The following PNPLA6 variants were observed in gnomAD, a reference collection of about 807,000 sequenced individuals.
PNPLA6 encodes the protein patatin like domain 6, lysophospholipase.
A neutral mutation model predicts 153.7 loss-of-function variants in PNPLA6; 105 were observed. That is an observed-to-expected ratio of 0.68 (90% confidence interval 0.58 to 0.80). PNPLA6 has a LOEUF of 0.80. Among genes scored for constraint, PNPLA6 ranks in the 30% least tolerant of loss-of-function variants. The pLI is 0.00. For missense variants in PNPLA6, 1,423 were observed against 1,919.3 expected, an observed-to-expected ratio of 0.74 and a Z score of 4.83; for synonymous variants, 825 against 822.2, an observed-to-expected ratio of 1.00 and a Z score of -0.06.
intron 13 of PNPLA6, among the ~76,000 whole-genome samples, chr19:7,547,447 G>A (rs491943): frequency 0.38 from 57,000 of 151,930 alleles, 13,036 homozygotes; most frequent in South Asian, 0.56. Flanking sequence ...GTGCCTATTG[G>A]CCATTTGTAT....
intron 13 of PNPLA6, among the ~76,000 whole-genome samples, chr19:7,544,811 T>C (rs1230410093): frequency 1.3e-5 from 2 of 152,038 alleles, no homozygotes; most frequent in African/African-American, 4.8e-5. Context: ...GGAGAGGAAG[T>C]CAAGGCTTTT....
rs774029027 is a variant in PNPLA6, at chr19:7,550,431, T to G, written c.1946+2T>G. 1.2e-6 allele frequency: 2 copies of G among 1,611,364 alleles called. No homozygotes were observed. The highest frequency in any genetic ancestry group is 1.1e-5 in the South Asian group (1 of 91,052). On this transcript the variant is annotated splice_donor_variant, in intron 15 of 31. Coordinates refer to ENST00000600737, the MANE Select transcript of PNPLA6 (RefSeq NM_001166114.2). LOFTEE classifies it high-confidence loss of function. ...GGAGGCGGGACGCGCGCTGTACAGG[T>G]GCAGCTCCCACCGCGCTGCTCAGGC...
chr19:7,549,471 C>T (rs2023545651), intron 13 of PNPLA6, among the ~76,000 whole-genome samples: 2 of 143,568 alleles, frequency 1.4e-5, no homozygotes, highest in African/African-American at 2.6e-5. Context: ...CAGGCGTGAG[C>T]CACCGCGCCT....
rs1403047964 is a variant in PNPLA6 at position 7,540,281 on chromosome 19, G to T, written c.687G>T (p.Gly229=). The T allele has an allele frequency of 6.2e-7, 1 of 1,607,318 alleles. No individual in the cohort carries two copies. The highest frequency in any genetic ancestry group is 1.1e-5 in the South Asian group (1 of 91,024). Residue 229 remains glycine, a synonymous_variant, in exon 5 of 32, where the codon GGG becomes GGT. Transcript: ENST00000600737. The surrounding 1 kb of genome is among the most constrained non-coding windows in gnomAD (Gnocchi z 6.8). ...PDASIYVVQD[G]LLELCLPGPD... ...CCAGCATCTACGTGGTGCAGGACGG[G>T]CTGCTGGAGCTCTGTCTGCCAGGGC...
chr19:7,549,465 C>T (rs1435560659), intron 13 of PNPLA6, among the ~76,000 whole-genome samples: 2 of 148,116 alleles, frequency 1.4e-5, no homozygotes, highest in Non-Finnish European at 1.5e-5. Context: ...GGATTACAGG[C>T]GTGAGCCACC....
At chr19:7,561,455 G>A in intron 31 of PNPLA6, 33 bp from the exon 32 acceptor site, 2 of 1,571,614 alleles carry the variant, frequency 1.3e-6, no homozygotes, top group Non-Finnish European at 1.7e-6. Context: ...AGTGTCCCGT[G>A]CTGGGTGACG....
In PNPLA6 at chr19:7,542,820, G is replaced by A. The variant is rs747800516; in HGVS notation, c.1422G>A (p.Glu474=). The A allele has an allele frequency of 1.2e-6, 2 of 1,613,116 alleles. No individual in the cohort carries two copies. Among genetic ancestry groups the A allele is most frequent in the Admixed American group, 1.7e-5 (1 of 60,038 alleles). The change falls in exon 12 of 32, where the codon GAG becomes GAA. Residue 474 remains glutamate, a synonymous_variant. Transcript: ENST00000600737. ...PAGACEYSYC[E]DESATGGCPF... Reference sequence around the variant, plus strand: ...GCGCCTGTGAATACAGCTACTGTGAGGATGAGTCGGCCACTGGTGGCTGCC... The same window carrying A: ...GCGCCTGTGAATACAGCTACTGTGAAGATGAGTCGGCCACTGGTGGCTGCC...
intron 18 of PNPLA6, 106 bp downstream of exon 18, chr19:7,551,543 G>T (rs1163270822): frequency 4.9e-6 from 5 of 1,012,212 alleles, no homozygotes; most frequent in Non-Finnish European, 7.7e-6. Context: ...ATGGAGTTCC[G>T]CGAAGAAATC....
Position 7,541,655 on chromosome 19 carries a change from C to T in PNPLA6, c.1139C>T (p.Pro380Leu), listed in dbSNP as rs773365134. 6.3e-7 allele frequency: 1 copy of T among 1,578,782 alleles called. No individual in the cohort carries two copies. Among genetic ancestry groups the T allele is most frequent in the South Asian group, 1.1e-5 (1 of 87,256 alleles). Reference protein sequence around the residue: ...PRETPGRPPDPTGAPLPGPTG... With the variant: ...PRETPGRPPDLTGAPLPGPTG... ...GAGACCCCAGGGCGGCCACCCGATC[C>T]CACCGGGGCCCCGCTGCCTGGACCT... Residue 380 changes from proline to leucine, a missense_variant, in exon 9 of 32, where the codon CCC becomes CTC. By Grantham distance (98) the Pro-to-Leu change is moderately conservative. Coordinates refer to ENST00000600737, the MANE Select transcript of PNPLA6 (RefSeq NM_001166114.2). This position sits in a 1 kb window ranked among gnomAD's most constrained non-coding sequence, Gnocchi z 5.2.
chr19:7,561,084 G>A lies in PNPLA6; in HGVS notation c.3887G>A (p.Ser1296Asn), dbSNP rs767432114. The A allele has an allele frequency of 1.9e-6, 3 of 1,613,086 alleles. No individual in the cohort carries two copies. Among genetic ancestry groups the A allele is most frequent in the Middle Eastern group, 1.7e-4 (1 of 6,060 alleles). Residue 1296 changes from serine (S) to asparagine (N), a missense_variant, in exon 30 of 32, where the codon AGC becomes AAC. Ser to Asn is a conservative substitution (Grantham distance 46, BLOSUM62 1). Coordinates refer to ENST00000600737, the MANE Select transcript of PNPLA6 (RefSeq NM_001166114.2). ...GTGTCCCGGATTGAGCCCCCCACGA[G>A]CTATGTCTCTGATGGCTGTGCTGAC... ...EIVSRIEPPT[S>N]YVSDGCADGE...
chr19:7,543,950 A>G (rs2023272423), intron 13 of PNPLA6, among the ~76,000 whole-genome samples: 1 of 150,496 alleles, frequency 6.6e-6, no homozygotes, highest in Non-Finnish European at 1.5e-5. Context: ...AGTAGCTGGG[A>G]CTACAGGCGC....
chr19:7,561,284 C>T lies in PNPLA6; in HGVS notation c.3990C>T (p.Pro1330=), dbSNP rs535388759. 3.2e-5 allele frequency: 52 copies of T among 1,608,642 alleles called. No homozygotes were observed. The highest frequency in any genetic ancestry group is 2.7e-4 in the Admixed American group (16 of 59,092). Residue 1330 remains proline, a synonymous_variant, in exon 31 of 32, where the codon CCC becomes CCT. Transcript: ENST00000600737. ...GCTCGAGGGATGAAGGGGGGTCCCCCGAGGGCGCAAGCCCCAGCACTGCCT... is the reference window on the plus strand; with the variant it reads ...GCTCGAGGGATGAAGGGGGGTCCCCTGAGGGCGCAAGCCCCAGCACTGCCT... ...PDCSRDEGGS[P]EGASPSTASE... is the part of the protein sequence containing the mutation.
Position 7,550,370 on chromosome 19 carries a change from G to A in PNPLA6, c.1887G>A (p.Val629=). Residue 629 remains valine (V), a synonymous_variant, in exon 15 of 32, where the codon GTG becomes GTA. Coordinates refer to ENST00000600737, the MANE Select transcript of PNPLA6 (RefSeq NM_001166114.2). ...TGGCAGCCAGGATGTCGCCCTTCGT[G>A]CGCCAGATGGACTTCGCCATCGACT... ...HTVAARMSPF[V]RQMDFAIDWT... is the part of the protein sequence containing the mutation. 6.2e-7 allele frequency: 1 copy of A among 1,612,152 alleles called. No homozygotes were observed. The highest frequency in any genetic ancestry group is 8.5e-7 in the Non-Finnish European group (1 of 1,180,036).
chr19:7,541,878 A>C lies in PNPLA6; in HGVS notation c.1169-106A>C. The C allele has an allele frequency of 8.6e-7, 1 of 1,163,300 alleles. No individual in the cohort carries two copies. The highest frequency in any genetic ancestry group is 1.3e-6 in the Non-Finnish European group (1 of 785,228). 72.1% of individuals were successfully genotyped at this position (1,163,300 alleles called of 1,614,324 possible). On this transcript the variant is annotated intron_variant, in intron 9 of 31. Transcript: ENST00000600737. This position sits in a 1 kb window ranked among gnomAD's most constrained non-coding sequence, Gnocchi z 5.2. Reference sequence around the variant, plus strand: ...GGCCTCGTCCCCAAGGGCCCATTGGAATTGCTTTAACTAGTTAATCAGTCG... The same window carrying C: ...GGCCTCGTCCCCAAGGGCCCATTGGCATTGCTTTAACTAGTTAATCAGTCG...
chr19:7,535,447 A>G (rs1314433280), upstream of PNPLA6: 5 of 1,177,754 alleles, frequency 4.2e-6, no homozygotes, highest in Non-Finnish European at 6.2e-6. The surrounding 1 kb of genome is among the most constrained non-coding windows in gnomAD (Gnocchi z 5.0). Context: ...GGCTTGAGGC[A>G]GGGGAGAGGT....
intron 25 of PNPLA6, 40 bp downstream of exon 25, chr19:7,556,609 G>A (rs1171727731): frequency 5.7e-6 from 9 of 1,590,794 alleles, no homozygotes; most frequent in Admixed American, 3.3e-5. Flanking sequence ...ACCCCTCCCC[G>A]GAGGAGCCCC....
Position 7,542,864 on chromosome 19 carries a change from G to T in PNPLA6, c.1466G>T (p.Gly489Val). The T allele has an allele frequency of 6.2e-7, 1 of 1,613,120 alleles. No individual in the cohort carries two copies. The highest frequency in any genetic ancestry group is 1.1e-5 in the South Asian group (1 of 91,092). Residue 489 changes from glycine (G) to valine (V), a missense_variant, in exon 12 of 32, where the codon GGC (glycine) becomes GTC (valine). Transcript: ENST00000600737. ...TGGCPFGPYQGRQTSSIFEAA... is the reference protein window; with the variant it reads ...TGGCPFGPYQVRQTSSIFEAA... The stretch of plus-strand genomic sequence containing the variant: ...GGCTGCCCTTTCGGGCCCTACCAGG[G>T]CCGCCAGACCAGCAGCATCTTCGAG...
intron 13 of PNPLA6, 66 bp from the exon 14 acceptor site, chr19:7,549,841 A>T: frequency 2.0e-6 from 3 of 1,466,844 alleles, no homozygotes; most frequent in Middle Eastern, 1.8e-4. Context: ...CTGTGGGGGC[A>T]TGTTGACCTG....
At chr19:7,549,029 C>G (rs951602088) in intron 13 of PNPLA6, among the ~76,000 whole-genome samples, 24 of 151,128 alleles carry the variant, frequency 1.6e-4, no homozygotes, top group Non-Finnish European at 2.7e-4. Flanking sequence ...GTCTCGATCT[C>G]CTGACCTCGT....
Sources: allele counts gnomAD v4.1 joint callset (sites outside exome capture counted in the v4.1 genomes callset), GRCh38; gene constraint gnomAD v4.1.1; non-coding constraint Gnocchi (gnomAD v3.1); transcripts MANE v1.5; gene names NCBI Gene and HGNC (gene_info 2026-07-23, HGNC 2026-07-21).